Variants in IL1RAPL1 observed in about 807,000 individuals in gnomAD.
IL1RAPL1 encodes interleukin-1 receptor accessory protein-like 1.
A neutral mutation model predicts 48.4 loss-of-function variants in IL1RAPL1; 3 were observed. The ratio of observed to expected loss-of-function variants is 0.06; its 90% confidence interval spans 0.03 to 0.16. IL1RAPL1 has a LOEUF of 0.16. Among genes scored for constraint, IL1RAPL1 ranks in the 10% least tolerant of loss-of-function variants. The pLI is 1.00. For missense variants in IL1RAPL1, 349 were observed against 530.6 expected (o/e 0.66, Z 3.36); for synonymous variants, 185 against 187.7 (o/e 0.99, Z 0.12).
chrX:29,911,974 A>G (rs1932759714), intron 6 of IL1RAPL1, among the ~76,000 whole-genome samples: 1 of 112,473 alleles, frequency 8.9e-6, no homozygotes, highest in African/African-American at 3.2e-5. Context: ...CACCATACGG[A>G]TACTATAGCT....
intron 6 of IL1RAPL1, among the ~76,000 whole-genome samples, chrX:29,746,537 A>G (rs1033495447): frequency 8.9e-6 from 1 of 112,102 alleles, no homozygotes; most frequent in African/African-American, 3.2e-5. Context: ...GTTTCATAAG[A>G]TATTTGATAA....
intron 8 of IL1RAPL1, among the ~76,000 whole-genome samples, chrX:29,927,470 G>C (rs1284630605): frequency 1.8e-5 from 2 of 111,487 alleles, no homozygotes; most frequent in Admixed American, 9.6e-5. Flanking sequence ...GAGGTTACTT[G>C]TTTCACCTAT....
rs190401484 is a variant in IL1RAPL1, at chrX:28,751,041, C to T, written c.-24-38279C>T. 3.1e-3 allele frequency among the ~76,000 whole-genome samples: 342 copies of T among 111,731 alleles called. 2 individuals are homozygous for T. The highest frequency in any genetic ancestry group is 4.7e-3 in the Non-Finnish European group (248 of 53,140). On this transcript the variant is annotated intron_variant, in intron 1 of 10. Transcript: ENST00000378993. Reference sequence around the variant, plus strand: ...TTAATTCAACCGTGATTCTGTATTACGTTATATAATAGGACACTATTTCCA... The same window carrying T: ...TTAATTCAACCGTGATTCTGTATTATGTTATATAATAGGACACTATTTCCA...
At chrX:28,770,560 A>T (rs189373082) in intron 1 of IL1RAPL1, among the ~76,000 whole-genome samples, 2 of 112,713 alleles carry the variant, frequency 1.8e-5, no homozygotes, top group Admixed American at 9.4e-5. Context: ...ACATGTGTCA[A>T]CATATGCAAA....
intron 5 of IL1RAPL1, among the ~76,000 whole-genome samples, chrX:29,586,283 T>C (rs5927861): frequency 0.46 from 50,297 of 110,396 alleles, 8,882 homozygotes; most frequent in African/African-American, 0.65. Context: ...GTTTCCCCAA[T>C]ATCATTTGTT....
chrX:29,044,287 G>A (rs755887481), intron 2 of IL1RAPL1, among the ~76,000 whole-genome samples: 4 of 109,468 alleles, frequency 3.7e-5, no homozygotes, highest in Admixed American at 9.9e-5. Context: ...AAAATTAGCC[G>A]AGTATGGTTG....
chrX:29,468,258 A>AATTTTGTAT (rs1335678911), intron 5 of IL1RAPL1, among the ~76,000 whole-genome samples: 2 of 112,512 alleles, frequency 1.8e-5, no homozygotes, highest in African/African-American at 6.5e-5. Context: ...ATTAATATGG[A>AATTTTGTAT]ATTTTGTATT....
intron 2 of IL1RAPL1, among the ~76,000 whole-genome samples, chrX:29,041,144 A>G (rs2147416694): frequency 8.9e-6 from 1 of 111,772 alleles, no homozygotes; most frequent in South Asian, 3.7e-4. Flanking sequence ...CAAGCAGCCC[A>G]GTGAATGTCT....
intron 1 of IL1RAPL1, among the ~76,000 whole-genome samples, chrX:28,687,510 C>T (rs1233641418): frequency 8.0e-5 from 9 of 112,149 alleles, no homozygotes; most frequent in African/African-American, 1.6e-4. Context: ...GGGCCGGGCG[C>T]GGTGGCTCAA....
chrX:29,449,780 CAGAG>C (rs59465141), intron 5 of IL1RAPL1, among the ~76,000 whole-genome samples: 4 of 58,275 alleles, frequency 6.9e-5, no homozygotes, highest in Non-Finnish European at 1.2e-4. Flanking sequence ...CACACACACA[CAGAG>C]AGAGAGAGAG....
chrX:29,452,794 T>C (rs773119632), intron 5 of IL1RAPL1, among the ~76,000 whole-genome samples: 62 of 110,969 alleles, frequency 5.6e-4, no homozygotes, highest in Middle Eastern at 4.6e-3. Flanking sequence ...AATCAAAAAG[T>C]ACGATTAAAT....
chrX:28,956,108 T>C (rs1301953220), intron 2 of IL1RAPL1, among the ~76,000 whole-genome samples: 1 of 107,767 alleles, frequency 9.3e-6, no homozygotes, highest in Non-Finnish European at 1.9e-5. Context: ...TGTACATTGA[T>C]TTTGTATCCT....
At chrX:28,705,820 G>A (rs1935368693) in intron 1 of IL1RAPL1, among the ~76,000 whole-genome samples, 1 of 112,149 alleles carries the variant, frequency 8.9e-6, no homozygotes, top group African/African-American at 3.2e-5. Flanking sequence ...ATGGCATGCT[G>A]TATATCAGAA....
intron 2 of IL1RAPL1, among the ~76,000 whole-genome samples, chrX:29,243,333 C>A (rs1931454463): frequency 8.9e-6 from 1 of 112,110 alleles, no homozygotes; most frequent in African/African-American, 3.2e-5. Flanking sequence ...CCGCAGCCAC[C>A]CACCTTGCTT....
chrX:29,242,147 AT>A (rs1206103400), intron 2 of IL1RAPL1, among the ~76,000 whole-genome samples: 1 of 112,342 alleles, frequency 8.9e-6, no homozygotes, highest in Non-Finnish European at 1.9e-5. Context: ...ATGAAAAAGG[AT>A]TTTTTTCTGT....
chrX:28,919,523 G>C (rs1923567279), intron 2 of IL1RAPL1, among the ~76,000 whole-genome samples: 1 of 111,941 alleles, frequency 8.9e-6, no homozygotes, highest in Admixed American at 9.5e-5. Flanking sequence ...ATGGGCTTTG[G>C]AATCAAACTT....
At chrX:29,153,906 A>G (rs1159885541) in intron 2 of IL1RAPL1, among the ~76,000 whole-genome samples, 1 of 112,241 alleles carries the variant, frequency 8.9e-6, no homozygotes. Flanking sequence ...TAATATTAGT[A>G]CATAAACTGA....
chrX:28,859,764 ATAT>A (rs1921894279), intron 2 of IL1RAPL1, among the ~76,000 whole-genome samples: 1 of 107,955 alleles, frequency 9.3e-6, no homozygotes, highest in Admixed American at 1.0e-4. Context: ...TAATTATATA[ATAT>A]TGATATACAA....
At chrX:29,430,698 A>G (rs1371687335) in intron 5 of IL1RAPL1, among the ~76,000 whole-genome samples, 2 of 110,405 alleles carry the variant, frequency 1.8e-5, no homozygotes, top group African/African-American at 3.3e-5. Context: ...GTGTGTGTAT[A>G]TATGTAAATA....
Sources: gnomAD v4.1 joint callset for allele counts (sites outside exome capture counted in the v4.1 genomes callset) on GRCh38, gnomAD v4.1.1 for gene constraint, MANE v1.5 for transcripts, NCBI Gene and HGNC (gene_info 2026-07-23, HGNC 2026-07-21) for gene names.